SUCLG2: variants seen among roughly 807,000 people sequenced by gnomAD.
The protein encoded by SUCLG2 is succinate-CoA ligase GDP-forming subunit beta, also known as succinate--CoA ligase [GDP-forming] subunit beta, mitochondrial.
In SUCLG2, 42 loss-of-function variants were observed where a neutral mutation model predicts 47.9. The observed-to-expected ratio is 0.88, with a 90% CI of 0.69 to 1.14. The LOEUF (loss-of-function observed/expected upper bound fraction) is 1.14. Ranked by LOEUF, SUCLG2 falls within the 50% of genes most tolerant of loss-of-function variation. The pLI is 0.00. For missense variants in SUCLG2, 571 were observed against 525.9 expected (o/e 1.09, Z -0.84); for synonymous variants, 195 against 197.3 (o/e 0.99, Z 0.10).
At chr3:67,528,540 G>A (rs11926543) in intron 3 of SUCLG2, among the ~76,000 whole-genome samples, 3,592 of 152,246 alleles carry the variant, frequency 0.024, 143 homozygotes, top group African/African-American at 0.082. Flanking sequence ...CTGAAGATCC[G>A]ACAGTGGAAA....
rs750956324 is a variant in SUCLG2 at position 67,446,417 on chromosome 3, A to ATTTTTT, written c.1063-45572_1063-45567dup. Among the ~76,000 whole-genome samples the ATTTTTT allele has an allele frequency of 1.2e-4, 4 of 32,186 alleles. 1 individual carries two copies. The highest frequency in any genetic ancestry group is 2.1e-4 in the Non-Finnish European group (4 of 18,910). The allele number at this position is 32,186 out of a possible 152,430, so 21.1% of individuals were successfully genotyped here. A position where few individuals can be genotyped will look rare whatever the true frequency, so the allele number is the denominator to read the frequency against. ...GGTATCTAAATATGTACATATGTAC[A>ATTTTTT]TTTTTTTTTTTTTTTTTTTTTTTTT... On this transcript the variant is annotated intron_variant, in intron 9 of 10. Coordinates refer to ENST00000307227, the MANE Select transcript of SUCLG2 (RefSeq NM_003848.4).
intron 7 of SUCLG2, among the ~76,000 whole-genome samples, chr3:67,507,257 A>C (rs1239850136): frequency 6.6e-6 from 1 of 152,212 alleles, no homozygotes; most frequent in Non-Finnish European, 1.5e-5. Context: ...GCAAGCACAG[A>C]TTTCTATCGG....
chr3:67,489,809 C>T (rs1705159821), intron 9 of SUCLG2, among the ~76,000 whole-genome samples: 1 of 152,132 alleles, frequency 6.6e-6, no homozygotes, highest in African/African-American at 2.4e-5. Context: ...AGTTAGGCCT[C>T]ATAAGTGATC....
chr3:67,574,107 G>A (rs1176807940), intron 2 of SUCLG2, among the ~76,000 whole-genome samples: 1 of 152,104 alleles, frequency 6.6e-6, no homozygotes, highest in African/African-American at 2.4e-5. Flanking sequence ...GTAACCACAG[G>A]TCAAGCCCCT....
chr3:67,372,539 C>T (rs1701969065), downstream of SUCLG2, among the ~76,000 whole-genome samples: 1 of 152,088 alleles, frequency 6.6e-6, no homozygotes, highest in African/African-American at 2.4e-5. Context: ...GGTATTATTC[C>T]AATGCACCTG....
intron 2 of SUCLG2, among the ~76,000 whole-genome samples, chr3:67,583,038 G>A (rs955758580): frequency 1.3e-5 from 2 of 152,050 alleles, no homozygotes; most frequent in African/African-American, 4.8e-5. Context: ...GTGACAAAAG[G>A]GAAAATACCT....
At chr3:67,458,772 C>T (rs1704254077) in intron 9 of SUCLG2, among the ~76,000 whole-genome samples, 1 of 152,206 alleles carries the variant, frequency 6.6e-6, no homozygotes, top group Non-Finnish European at 1.5e-5. Flanking sequence ...CATATTAAAA[C>T]ACTCCAAGTA....
chr3:67,492,782 G>GT (rs1235276524), intron 9 of SUCLG2, among the ~76,000 whole-genome samples: 2 of 152,096 alleles, frequency 1.3e-5, no homozygotes, highest in Non-Finnish European at 2.9e-5. Context: ...AATAAGAAAC[G>GT]TATTAGTTGT....
intron 9 of SUCLG2, among the ~76,000 whole-genome samples, chr3:67,414,914 G>A (rs1703006108): frequency 6.6e-6 from 1 of 152,156 alleles, no homozygotes; most frequent in Admixed American, 6.6e-5. Context: ...GGAGTGCAAT[G>A]TCGCAATCAC....
Position 67,651,037 on chromosome 3 carries a change from A to G in SUCLG2, c.84+3466T>C, listed in dbSNP as rs374616291. 1.6e-4 allele frequency among the ~76,000 whole-genome samples: 24 copies of G among 152,306 alleles called. No individual in the cohort carries two copies. The South Asian group carries it at 5.0e-3, about 32-fold the overall frequency. ...CACTTGGCTATATGGACACAGCAAC[A>G]TGGCCCCTGTCTACCAGGATTTAGG... On this transcript the variant is annotated intron_variant, in intron 1 of 10. Coordinates refer to ENST00000307227, the MANE Select transcript of SUCLG2 (RefSeq NM_003848.4).
At chr3:67,594,057 G>A (rs17808754) in intron 2 of SUCLG2, among the ~76,000 whole-genome samples, 5,745 of 152,242 alleles carry the variant, frequency 0.038, 116 homozygotes, top group South Asian at 0.062. Context: ...CCACAAGTCC[G>A]AGGAGGATGA....
intron 9 of SUCLG2, among the ~76,000 whole-genome samples, chr3:67,462,649 C>T (rs762105909): frequency 7.2e-5 from 11 of 152,166 alleles, no homozygotes; most frequent in Admixed American, 1.3e-4. Flanking sequence ...TATAATAAAC[C>T]AGTAAGCATA....
chr3:67,380,646 C>T (rs1477641237), intron 10 of SUCLG2, among the ~76,000 whole-genome samples: 1 of 151,320 alleles, frequency 6.6e-6, no homozygotes, highest in Non-Finnish European at 1.5e-5. Flanking sequence ...GCAGAGCCAT[C>T]ATGACCAGGT....
At chr3:67,391,695 T>C (rs1322464023) in intron 10 of SUCLG2, among the ~76,000 whole-genome samples, 2 of 152,048 alleles carry the variant, frequency 1.3e-5, no homozygotes, top group Admixed American at 6.6e-5. Context: ...CCAGAATACA[T>C]TGAGAACGGG....
intron 9 of SUCLG2, among the ~76,000 whole-genome samples, chr3:67,401,399 A>C (rs963529634): frequency 6.6e-5 from 10 of 152,184 alleles, no homozygotes; most frequent in Non-Finnish European, 1.2e-4. Context: ...TATCTTAGAC[A>C]GCAACCTTTT....
intron 2 of SUCLG2, among the ~76,000 whole-genome samples, chr3:67,556,946 A>G (rs1166190082): frequency 6.6e-6 from 1 of 152,222 alleles, no homozygotes; most frequent in African/African-American, 2.4e-5. Flanking sequence ...GGAGTATGAG[A>G]TAACATAAAT....
intron 9 of SUCLG2, among the ~76,000 whole-genome samples, chr3:67,456,681 C>T (rs1330087492): frequency 2.0e-5 from 3 of 152,170 alleles, no homozygotes; most frequent in African/African-American, 7.2e-5. Flanking sequence ...TAATTTCAAG[C>T]TTCTAAGGAG....
intron 9 of SUCLG2, among the ~76,000 whole-genome samples, chr3:67,460,286 A>C (rs190456593): frequency 2.4e-4 from 37 of 152,334 alleles, no homozygotes; most frequent in African/African-American, 8.9e-4. Context: ...AAAAGTTACA[A>C]TCTGGTTCAC....
intron 10 of SUCLG2, among the ~76,000 whole-genome samples, chr3:67,397,150 A>G (rs1239374685): frequency 4.0e-5 from 6 of 151,860 alleles, no homozygotes; most frequent in Admixed American, 3.9e-4. Context: ...CCTATTCAAC[A>G]TAGTGTTGGA....
Sources: allele counts gnomAD v4.1 joint callset (sites outside exome capture counted in the v4.1 genomes callset), GRCh38; gene constraint gnomAD v4.1.1; transcripts MANE v1.5; gene names NCBI Gene and HGNC (gene_info 2026-07-23, HGNC 2026-07-21).